The following KCNAB1 variants were observed in gnomAD, a reference collection of about 807,000 sequenced individuals.
The protein encoded by KCNAB1 is voltage-gated potassium channel subunit beta-1.
In KCNAB1, 35 loss-of-function variants were observed where a neutral mutation model predicts 64.6. The observed-to-expected ratio is 0.54, with a 90% CI of 0.41 to 0.72. KCNAB1 has a LOEUF of 0.72. KCNAB1 is among the 30% of genes least tolerant of loss of function. The pLI is 0.00. For synonymous variants in KCNAB1, 177 were observed against 183.8 expected, an observed-to-expected ratio of 0.96 and a Z score of 0.30; for missense variants, 401 against 512.9, an observed-to-expected ratio of 0.78 and a Z score of 2.11.
At chr3:156,239,104 A>G (rs1717022163) in intron 1 of KCNAB1, among the ~76,000 whole-genome samples, 4 of 152,246 alleles carry the variant, frequency 2.6e-5, no homozygotes, top group Admixed American at 2.6e-4. Flanking sequence ...ATTTTATTTA[A>G]TATTCAGATC....
intron 2 of KCNAB1, among the ~76,000 whole-genome samples, chr3:156,445,141 C>T (rs1717307400): frequency 6.6e-6 from 1 of 152,058 alleles, no homozygotes; most frequent in Non-Finnish European, 1.5e-5. Context: ...AATAAAAATA[C>T]AAAAATTGGC....
At chr3:156,400,681 G>A (rs1416369534) in intron 1 of KCNAB1, among the ~76,000 whole-genome samples, 1 of 152,172 alleles carries the variant, frequency 6.6e-6, no homozygotes, top group Non-Finnish European at 1.5e-5. Context: ...TCCCTGCAAT[G>A]TATATACAAT....
At chr3:156,139,543 T>C (rs1227208968) in intron 1 of KCNAB1, among the ~76,000 whole-genome samples, 2 of 150,900 alleles carry the variant, frequency 1.3e-5, no homozygotes, top group African/African-American at 2.4e-5. Flanking sequence ...GGTGCAACTT[T>C]ACTTGGGAAT....
intron 12 of KCNAB1, among the ~76,000 whole-genome samples, chr3:156,530,210 G>A (rs1718608212): frequency 6.6e-6 from 1 of 152,132 alleles, no homozygotes; most frequent in African/African-American, 2.4e-5. Context: ...GGGGCGGTGG[G>A]ATCATGTATG....
At chr3:156,355,799 G>A (rs571786489) in intron 1 of KCNAB1, among the ~76,000 whole-genome samples, 1 of 152,110 alleles carries the variant, frequency 6.6e-6, no homozygotes, top group African/African-American at 2.4e-5. Flanking sequence ...ATTCTAAAGT[G>A]CTTGTAATTT....
intron 1 of KCNAB1, among the ~76,000 whole-genome samples, chr3:156,408,017 C>T (rs1051623857): frequency 6.6e-6 from 1 of 151,968 alleles, no homozygotes; most frequent in Non-Finnish European, 1.5e-5. Flanking sequence ...GCCATGGCAT[C>T]AATCACAGAG....
intron 1 of KCNAB1, among the ~76,000 whole-genome samples, chr3:156,339,199 G>T (rs1375813081): frequency 6.6e-6 from 1 of 151,978 alleles, no homozygotes; most frequent in African/African-American, 2.4e-5. Context: ...TGTAGGCATG[G>T]TATCTACATT....
intron 1 of KCNAB1, among the ~76,000 whole-genome samples, chr3:156,142,588 T>C (rs1415292900): frequency 2.0e-5 from 3 of 152,250 alleles, no homozygotes; most frequent in African/African-American, 7.2e-5. Flanking sequence ...TTAGCCATAT[T>C]TGTGTGAACC....
chr3:156,438,731 G>A (rs561868102), intron 2 of KCNAB1, among the ~76,000 whole-genome samples: 287 of 152,228 alleles, frequency 1.9e-3, no homozygotes, highest in Admixed American at 2.8e-3. Context: ...GACAGTGTAG[G>A]CTGACCGGGC....
chr3:156,308,584 G>A (rs766105535), intron 1 of KCNAB1, among the ~76,000 whole-genome samples: 2 of 152,216 alleles, frequency 1.3e-5, no homozygotes, highest in African/African-American at 4.8e-5. Flanking sequence ...CACATATGGA[G>A]CTTCTCTTCT....
intron 8 of KCNAB1, among the ~76,000 whole-genome samples, chr3:156,477,415 G>A (rs1714449356): frequency 1.3e-5 from 2 of 152,272 alleles, no homozygotes; most frequent in African/African-American, 2.4e-5. Flanking sequence ...CAAGGCACAT[G>A]GCATTTTGTA....
chr3:156,186,332 A>G (rs1054239529), intron 1 of KCNAB1, among the ~76,000 whole-genome samples: 1 of 152,116 alleles, frequency 6.6e-6, no homozygotes, highest in African/African-American at 2.4e-5. Context: ...TTAATCCACA[A>G]AATTGTCCGT....
At chr3:156,129,431 G>C (rs377630704) in intron 1 of KCNAB1, among the ~76,000 whole-genome samples, 9 of 152,092 alleles carry the variant, frequency 5.9e-5, no homozygotes, top group Admixed American at 2.0e-4. Flanking sequence ...TGCAGTTGTG[G>C]TATTAGCCAG....
chr3:156,356,265 G>A (rs1320973126), intron 1 of KCNAB1, among the ~76,000 whole-genome samples: 2 of 152,136 alleles, frequency 1.3e-5, no homozygotes, highest in Non-Finnish European at 2.9e-5. Flanking sequence ...CTGTCATAAT[G>A]CATAACTTAT....
intron 1 of KCNAB1, among the ~76,000 whole-genome samples, chr3:156,219,092 T>A (rs138083757): frequency 0.015 from 2,265 of 151,644 alleles, 69 homozygotes; most frequent in African/African-American, 0.051. Flanking sequence ...CAGCAATGGA[T>A]CCAAACCAAG....
At chr3:156,506,013 AC>A (rs1320789930) in intron 8 of KCNAB1, among the ~76,000 whole-genome samples, 1 of 152,210 alleles carries the variant, frequency 6.6e-6, no homozygotes, top group Non-Finnish European at 1.5e-5. Context: ...ATTGTGAATC[AC>A]ATTTCTACAT....
At chr3:156,281,572 T>A (rs1719726789) in intron 1 of KCNAB1, among the ~76,000 whole-genome samples, 1 of 152,206 alleles carries the variant, frequency 6.6e-6, no homozygotes, top group Admixed American at 6.5e-5. Context: ...CTGGTAGAAT[T>A]CGGCTGTGAG....
intron 1 of KCNAB1, among the ~76,000 whole-genome samples, chr3:156,167,174 C>T (rs1366016997): frequency 6.6e-6 from 1 of 152,200 alleles, no homozygotes; most frequent in Non-Finnish European, 1.5e-5. Context: ...TACACAGCCT[C>T]TTTAGATCTC....
intron 4 of KCNAB1, 58 bp downstream of exon 4, chr3:156,457,590 C>T: frequency 1.4e-6 from 2 of 1,420,904 alleles, no homozygotes; most frequent in Non-Finnish European, 2.0e-6. Context: ...AAAGAATCAG[C>T]CCAGACCATT....
Sources: gnomAD v4.1 joint callset for allele counts (sites outside exome capture counted in the v4.1 genomes callset) on GRCh38, gnomAD v4.1.1 for gene constraint, MANE v1.5 for transcripts, NCBI Gene and HGNC (gene_info 2026-07-23, HGNC 2026-07-21) for gene names.